Variants in UTRN observed in about 807,000 individuals in gnomAD.
UTRN encodes utrophin.
UTRN carries 283 observed loss-of-function variants against 463.9 expected under a neutral mutation model. The ratio of observed to expected loss-of-function variants is 0.61; its 90% confidence interval spans 0.55 to 0.67. The LOEUF is 0.67. Among genes scored for constraint, UTRN ranks in the 30% least tolerant of loss-of-function variants. The pLI is 0.00. For synonymous variants in UTRN, 1,442 were observed against 1,431.5 expected (o/e 1.01, Z -0.17); for missense variants, 3,922 against 4,084.3 (o/e 0.96, Z 1.08).
At chr6:144,792,510 G>A (rs972647364) in intron 62 of UTRN, among the ~76,000 whole-genome samples, 1 of 151,752 alleles carries the variant, frequency 6.6e-6, no homozygotes, top group Non-Finnish European at 1.5e-5. Flanking sequence ...TCGTGCCATT[G>A]CACTCCAGCC....
chr6:144,324,305 CA>C (rs1013835190), intron 2 of UTRN, among the ~76,000 whole-genome samples: 2 of 152,006 alleles, frequency 1.3e-5, no homozygotes, highest in African/African-American at 2.4e-5. Context: ...TCGAGGTCCC[CA>C]AAAAGCAACT....
intron 53 of UTRN, among the ~76,000 whole-genome samples, chr6:144,724,589 C>G (rs370517104): frequency 1.3e-5 from 2 of 152,020 alleles, no homozygotes; most frequent in Admixed American, 1.3e-4. Flanking sequence ...CTATCCCTCC[C>G]CTCCCTCCCC....
intron 47 of UTRN, 141 bp downstream of exon 47, chr6:144,548,995 G>A (rs1798665934): frequency 3.7e-6 from 3 of 802,388 alleles, no homozygotes; most frequent in Non-Finnish European, 5.8e-6. Flanking sequence ...AACCATTCAG[G>A]GCTAACTACA....
intron 46 of UTRN, among the ~76,000 whole-genome samples, chr6:144,543,411 A>T (rs1351521477): frequency 2.6e-5 from 4 of 152,156 alleles, no homozygotes; most frequent in African/African-American, 9.7e-5. Context: ...TTCTCTCTTT[A>T]TCCAGATTAG....
At chr6:144,396,056 G>T (rs759745596) in intron 2 of UTRN, among the ~76,000 whole-genome samples, 1 of 152,034 alleles carries the variant, frequency 6.6e-6, no homozygotes, top group Non-Finnish European at 1.5e-5. Context: ...AACTGAAATC[G>T]GGAACTCAGA....
chr6:144,800,147 T>C (rs1777581771), intron 64 of UTRN, among the ~76,000 whole-genome samples: 1 of 152,176 alleles, frequency 6.6e-6, no homozygotes, highest in South Asian at 2.1e-4. Flanking sequence ...TCTCAGCATC[T>C]GATGGATGTA....
At chr6:144,514,099 C>G in intron 36 of UTRN, 62 bp downstream of exon 36, 1 of 1,599,700 alleles carries the variant, frequency 6.3e-7, no homozygotes, top group Non-Finnish European at 8.5e-7. Context: ...CATGTTTTCT[C>G]TTCTGGAATG....
rs1454620096 is a variant in UTRN at position 144,846,796 on chromosome 6, C to G, written c.10271-9C>G. Reference sequence around the variant, plus strand: ...GCCATTAAGTGATTTCTTTTGTTTTCTCTTTCAGCAAATGTTCCCAGCAGG... The same window carrying G: ...GCCATTAAGTGATTTCTTTTGTTTTGTCTTTCAGCAAATGTTCCCAGCAGG... On this transcript the variant is annotated splice_polypyrimidine_tract_variant and intron_variant, in intron 73 of 74. Transcript: ENST00000367545. The G allele has an allele frequency of 9.9e-6, 16 of 1,613,854 alleles. No homozygotes were observed. Among genetic ancestry groups the G allele is most frequent in the Non-Finnish European group, 1.1e-5 (13 of 1,179,926 alleles).
At chr6:144,468,622 G>A (rs1011005435) in intron 23 of UTRN, among the ~76,000 whole-genome samples, 6 of 151,896 alleles carry the variant, frequency 4.0e-5, no homozygotes, top group South Asian at 2.1e-4. Context: ...GTGTGCATGC[G>A]TGTGTTCTGT....
At chr6:144,824,100 A>G (rs1779827730) in intron 66 of UTRN, among the ~76,000 whole-genome samples, 1 of 152,162 alleles carries the variant, frequency 6.6e-6, no homozygotes. Context: ...CTTGGAGGCA[A>G]GATAGTTTCA....
chr6:144,347,415 C>G (rs1024408862), intron 2 of UTRN, among the ~76,000 whole-genome samples: 7 of 152,216 alleles, frequency 4.6e-5, no homozygotes, highest in Non-Finnish European at 1.0e-4. Flanking sequence ...TTTGTTACTG[C>G]TGCCTCCTAG....
chr6:144,844,851 G>A (rs1429793096), intron 73 of UTRN, among the ~76,000 whole-genome samples: 3 of 152,094 alleles, frequency 2.0e-5, no homozygotes, highest in East Asian at 1.9e-4. Flanking sequence ...AATGCTTGTC[G>A]CCAGCATACA....
chr6:144,372,118 C>G (rs187342931), intron 2 of UTRN, among the ~76,000 whole-genome samples: 2 of 152,390 alleles, frequency 1.3e-5, no homozygotes, highest in African/African-American at 2.4e-5. Context: ...GAAGGGCCTT[C>G]TGGTATTTCT....
chr6:144,638,389 G>A (rs549651405), intron 51 of UTRN, among the ~76,000 whole-genome samples: 1 of 152,306 alleles, frequency 6.6e-6, no homozygotes, highest in East Asian at 1.9e-4. Context: ...TCAGACTGCA[G>A]TGTTTTGTTT....
chr6:144,740,366 G>A (rs1375242822), intron 54 of UTRN, among the ~76,000 whole-genome samples: 3 of 151,988 alleles, frequency 2.0e-5, no homozygotes, highest in Admixed American at 6.6e-5. Context: ...GAAATACCAC[G>A]CTGCATAATG....
chr6:144,757,269 A>T (rs1479611872), intron 57 of UTRN, among the ~76,000 whole-genome samples: 1 of 149,448 alleles, frequency 6.7e-6, no homozygotes, highest in Non-Finnish European at 1.5e-5. Flanking sequence ...CCTCAATTTA[A>T]AAACCCCATA....
intron 50 of UTRN, among the ~76,000 whole-genome samples, chr6:144,569,990 C>A (rs1359780758): frequency 1.3e-5 from 2 of 152,184 alleles, no homozygotes; most frequent in Middle Eastern, 3.2e-3. Flanking sequence ...CTGCTGATAA[C>A]TTGATTTTAG....
chr6:144,505,716 G>C (rs1022575762), intron 34 of UTRN, among the ~76,000 whole-genome samples: 1 of 152,196 alleles, frequency 6.6e-6, no homozygotes, highest in East Asian at 1.9e-4. Context: ...GTGCTGAGAA[G>C]AATGTATATT....
intron 2 of UTRN, among the ~76,000 whole-genome samples, chr6:144,297,489 T>C (rs942680943): frequency 2.6e-5 from 4 of 152,210 alleles, no homozygotes; most frequent in Admixed American, 6.5e-5. Context: ...TATTTCTTTC[T>C]TTTATGTTTA....
Sources: allele counts gnomAD v4.1 joint callset (sites outside exome capture counted in the v4.1 genomes callset), GRCh38; gene constraint gnomAD v4.1.1; transcripts MANE v1.5; gene names NCBI Gene and HGNC (gene_info 2026-07-23, HGNC 2026-07-21).